The following CDX2 variants were observed in gnomAD, a reference collection of about 807,000 sequenced individuals.
CDX2 encodes caudal type homeobox 2, also known as homeobox protein CDX-2.
Under a neutral mutation model 25.5 loss-of-function variants are expected in CDX2, and 7 were observed. The ratio of observed to expected loss-of-function variants is 0.27; its 90% CI spans 0.16 to 0.52. The LOEUF is 0.52. Among genes scored for constraint, CDX2 ranks in the 20% least tolerant of loss-of-function variants. The pLI, the probability that CDX2 is intolerant of heterozygous loss-of-function variation, is 0.97. For missense variants in CDX2, 375 were observed against 431.4 expected, an observed-to-expected ratio of 0.87 and a Z score of 1.16; for synonymous variants, 222 against 198.6, an observed-to-expected ratio of 1.12 and a Z score of -0.99.
chr13:27,963,803 G>T (rs1188437859), intron 2 of CDX2, among the ~76,000 whole-genome samples: 1 of 152,108 alleles, frequency 6.6e-6, no homozygotes, highest in African/African-American at 2.4e-5. Flanking sequence ...TAATTTTGTG[G>T]CTTCCTGGCT....
rs1187427832 is a variant in CDX2 at position 27,962,813 on chromosome 13, G to C, written c.*302C>G. ...GAGCTGGGGAGGAGGATGAAGGCCTGGTTGGTGTGGTCAGTCCAGGCAATG... is the reference window on the plus strand; with the variant it reads ...GAGCTGGGGAGGAGGATGAAGGCCTCGTTGGTGTGGTCAGTCCAGGCAATG... On this transcript the variant is annotated 3_prime_UTR_variant, in exon 3 of 3. Coordinates refer to ENST00000381020, the MANE Select transcript of CDX2 (RefSeq NM_001265.6). 3 of 322,136 alleles carry C rather than the reference G, an allele frequency of 9.3e-6. No homozygotes were observed. In the East Asian group the frequency reaches 1.4e-4, roughly 15 times the overall value. 20.0% of individuals were successfully genotyped at this position (322,136 alleles called of 1,614,324 possible).
chr13:27,963,555 C>T (rs1168087503), intron 2 of CDX2, among the ~76,000 whole-genome samples, 186 bp from the exon 3 acceptor site: 1 of 152,220 alleles, frequency 6.6e-6, no homozygotes, highest in Non-Finnish European at 1.5e-5. Flanking sequence ...AATTCAGCCT[C>T]ATGGGGAAGA....
intron 1 of CDX2, among the ~76,000 whole-genome samples, chr13:27,966,220 C>A (rs1869314194): frequency 6.6e-6 from 1 of 152,220 alleles, no homozygotes; most frequent in South Asian, 2.1e-4. Flanking sequence ...GAGCAAATGG[C>A]GGCCCCGGCT....
chr13:27,962,945 C>G lies in CDX2; in HGVS notation c.*170G>C, dbSNP rs1199875246. The G allele has an allele frequency of 7.8e-6, 6 of 764,456 alleles. 1 individual carries two copies. In the East Asian group the frequency reaches 1.4e-4, roughly 18 times the overall value. The allele number at this position is 764,456 out of a possible 1,614,324, so 47.4% of individuals were successfully genotyped here. A position where few individuals can be genotyped will look rare whatever the true frequency, so the allele number is the denominator to read the frequency against. ...ATCTGGGAGAGTATATTTCTTGAGG[C>G]CCCAAATCCCACTTGTCTTACTCCT... is the stretch of plus-strand genomic sequence containing the variant. On this transcript the variant is annotated 3_prime_UTR_variant, in exon 3 of 3. Transcript: ENST00000381020.
At chr13:27,967,006 G>A (rs984352445) in intron 1 of CDX2, among the ~76,000 whole-genome samples, 1 of 152,100 alleles carries the variant, frequency 6.6e-6, no homozygotes, top group Non-Finnish European at 1.5e-5. Context: ...ACTTCACAGC[G>A]GCCTCTCATC....
Position 27,962,015 on chromosome 13 carries a change from T to TCC in CDX2, c.*1098_*1099dup. The TCC allele has an allele frequency of 4.4e-6, 1 of 229,460 alleles. No individual in the cohort carries two copies. Among genetic ancestry groups the TCC allele is most frequent in the Non-Finnish European group, 8.6e-6 (1 of 115,684 alleles). 14.2% of individuals were successfully genotyped at this position (229,460 alleles called of 1,614,324 possible). A position where few individuals can be genotyped will look rare whatever the true frequency, so the allele number is the denominator to read the frequency against. On this transcript the variant is annotated 3_prime_UTR_variant, in exon 3 of 3. Coordinates refer to ENST00000381020, the MANE Select transcript of CDX2 (RefSeq NM_001265.6). ...GATGCTCTGGGGTAAAATGAGGCTG[T>TCC]CCAGATAATCTCCACTCCCTCTCTG...
intron 1 of CDX2, 37 bp downstream of exon 1, chr13:27,968,428 TC>T (rs1204591343): frequency 1.2e-5 from 17 of 1,449,778 alleles, no homozygotes; most frequent in African/African-American, 1.5e-5. Flanking sequence ...ACCCGCGCCT[TC>T]CCAAGCACCC....
intron 1 of CDX2, 119 bp downstream of exon 1, chr13:27,968,347 G>T: frequency 3.2e-6 from 4 of 1,241,692 alleles, no homozygotes; most frequent in Non-Finnish European, 4.1e-6. Context: ...CCCTCCTGGC[G>T]CCGAGCTCCC....
In CDX2 at chr13:27,964,433, C is replaced by T. The variant is rs1869211264; in HGVS notation, c.687+437G>A. ...CGGGTGGGGGGGCATGTACTCCAGGCCAGGCATGGTGGTTCACACCGGTAA... is the reference window on the plus strand; with the variant it reads ...CGGGTGGGGGGGCATGTACTCCAGGTCAGGCATGGTGGTTCACACCGGTAA... On this transcript the variant is annotated intron_variant, in intron 2 of 2. Coordinates refer to ENST00000381020, the MANE Select transcript of CDX2 (RefSeq NM_001265.6). The surrounding 1 kb of genome is among the most constrained non-coding windows in gnomAD (Gnocchi z 4.7). Among the ~76,000 whole-genome samples, 1 of 152,098 alleles carries T rather than the reference C, an allele frequency of 6.6e-6. No individual in the cohort carries two copies. The highest frequency in any genetic ancestry group is 2.4e-5 in the African/African-American group (1 of 41,408).
Position 27,962,463 on chromosome 13 carries a change from G to C in CDX2, c.*652C>G. ...AAACAAGTCCCTGTTCGGGCCCCCT[G>C]GTCAGGCCTGGAGTCCAATAACCAC... On this transcript the variant is annotated 3_prime_UTR_variant, in exon 3 of 3. Coordinates refer to ENST00000381020, the MANE Select transcript of CDX2 (RefSeq NM_001265.6). 1 of 233,314 alleles carries C rather than the reference G, an allele frequency of 4.3e-6. No homozygotes were observed. The highest frequency in any genetic ancestry group is 6.1e-5 in the East Asian group (1 of 16,518). 14.5% of individuals were successfully genotyped at this position (233,314 alleles called of 1,614,324 possible). A position where few individuals can be genotyped will look rare whatever the true frequency, so the allele number is the denominator to read the frequency against.
rs1869517538 is a variant in CDX2 at position 27,969,275 on chromosome 13, G to A, written c.-269C>T. The A allele has an allele frequency of 2.0e-6, 1 of 501,592 alleles. No individual in the cohort carries two copies. The highest frequency in any genetic ancestry group is 2.0e-5 in the African/African-American group (1 of 49,242). 31.1% of individuals were successfully genotyped at this position (501,592 alleles called of 1,614,324 possible). On this transcript the variant is annotated 5_prime_UTR_variant, in exon 1 of 3. Coordinates refer to ENST00000381020, the MANE Select transcript of CDX2 (RefSeq NM_001265.6). ...GCAGAGGCGGGGAAGACCCGCCACA[G>A]GCTGGCGTGCGGAGCCCCAGGCCGG...
rs546510485 is a variant in CDX2 at position 27,961,471 on chromosome 13, A to G, written c.*1644T>C. Among the ~76,000 whole-genome samples, 28 of 152,262 alleles carry G rather than the reference A, an allele frequency of 1.8e-4. 1 individual carries two copies. In the East Asian group the frequency reaches 5.4e-3, roughly 30 times the overall value. On this transcript the variant is annotated 3_prime_UTR_variant, in exon 3 of 3. Coordinates refer to ENST00000381020, the MANE Select transcript of CDX2 (RefSeq NM_001265.6). Reference sequence around the variant, plus strand: ...AAGGCTGCAGCCCGGTCCCCAGTGGATCGGCCAGATAACAAGAAACTGTCA... The same window carrying G: ...AAGGCTGCAGCCCGGTCCCCAGTGGGTCGGCCAGATAACAAGAAACTGTCA...
At chr13:27,965,356 A>T (rs1869264191) in intron 1 of CDX2, among the ~76,000 whole-genome samples, 1 of 152,222 alleles carries the variant, frequency 6.6e-6, no homozygotes, top group East Asian at 1.9e-4. Flanking sequence ...GAAAGGGGGC[A>T]GGGTGAAGTG....
In CDX2 at chr13:27,961,570, C is replaced by A. The variant is rs865830713; in HGVS notation, c.*1545G>T. 1.1e-4 allele frequency among the ~76,000 whole-genome samples: 16 copies of A among 151,864 alleles called. No homozygotes were observed. The highest frequency in any genetic ancestry group is 3.6e-4 in the African/African-American group (15 of 41,382). Reference sequence around the variant, plus strand: ...ATTGGGTTGGAAGGGGGGGCGCGGTCGGGGATAAGGAAACTGCAAAGACAG... The same window carrying A: ...ATTGGGTTGGAAGGGGGGGCGCGGTAGGGGATAAGGAAACTGCAAAGACAG... On this transcript the variant is annotated 3_prime_UTR_variant, in exon 3 of 3. Transcript: ENST00000381020.
chr13:27,968,209 G>GA (rs1869432902), intron 1 of CDX2, among the ~76,000 whole-genome samples: 1 of 152,234 alleles, frequency 6.6e-6, no homozygotes, highest in Non-Finnish European at 1.5e-5. Context: ...CCGGGGTTGC[G>GA]AATGAGGAGC....
At chr13:27,965,104 T>C in intron 1 of CDX2, 89 bp from the exon 2 acceptor site, 1 of 1,403,096 alleles carries the variant, frequency 7.1e-7, no homozygotes, top group Non-Finnish European at 9.8e-7. Context: ...CAGGGACATT[T>C]CTCTTCCTCC....
In CDX2 at chr13:27,968,827, G is replaced by T; in HGVS notation, c.180C>A (p.Ser60=). ...ACGCTGCCGGCCAGGATGGCCCCGG[G>T]GACTGCGCGCTGTCCAAGTTCGCTG... ...AAAANLDSAQ[S]PGPSWPAAYG... The change falls in exon 1 of 3, where the codon TCC becomes TCA. Residue 60 remains serine, a synonymous_variant. Coordinates refer to ENST00000381020, the MANE Select transcript of CDX2 (RefSeq NM_001265.6). The T allele has an allele frequency of 6.4e-7, 1 of 1,568,934 alleles. No individual in the cohort carries two copies. The highest frequency in any genetic ancestry group is 8.6e-7 in the Non-Finnish European group (1 of 1,160,654).
chr13:27,965,034 T>C lies in CDX2; in HGVS notation c.542-19A>G. 6.2e-7 allele frequency: 1 copy of C among 1,612,910 alleles called. No individual in the cohort carries two copies. Among genetic ancestry groups the C allele is most frequent in the Non-Finnish European group, 8.5e-7 (1 of 1,179,368 alleles). On this transcript the variant is annotated intron_variant, in intron 1 of 2. Transcript: ENST00000381020. ...GTTTTCACTGTGGAGGAAGGAGAAG[T>C]GAGGGCTGAGAACTGCAAGGCAGCC... is the stretch of plus-strand genomic sequence containing the variant.
chr13:27,963,208 A>G lies in CDX2; in HGVS notation c.849T>C (p.Ser283=). 6.2e-7 allele frequency: 1 copy of G among 1,614,152 alleles called. No homozygotes were observed. The highest frequency in any genetic ancestry group is 8.5e-7 in the Non-Finnish European group (1 of 1,180,024). Residue 283 remains serine, a synonymous_variant, in exon 3 of 3, where the codon AGT becomes AGC. Coordinates refer to ENST00000381020, the MANE Select transcript of CDX2 (RefSeq NM_001265.6). ...GPLRSVPEPL[S]PVSSLQASVP... is the part of the protein sequence containing the mutation. Reference sequence around the variant, plus strand: ...CTGAGGCTTGCAGGGAAGACACCGGACTCAAGGGCTCTGGGACACTTCTCA... The same window carrying G: ...CTGAGGCTTGCAGGGAAGACACCGGGCTCAAGGGCTCTGGGACACTTCTCA...
Sources: gnomAD v4.1 joint callset for allele counts (sites outside exome capture counted in the v4.1 genomes callset) on GRCh38, gnomAD v4.1.1 for gene constraint, Gnocchi (gnomAD v3.1) non-coding constraint, MANE v1.5 for transcripts, NCBI Gene and HGNC (gene_info 2026-07-23, HGNC 2026-07-21) for gene names.